The following RAB31 variants were observed in gnomAD, a reference collection of about 807,000 sequenced individuals.
The protein encoded by RAB31 is ras-related protein Rab-31.
A neutral mutation model predicts 25.6 loss-of-function variants in RAB31; 21 were observed. The ratio of observed to expected loss-of-function variants is 0.82; its 90% CI spans 0.58 to 1.18. The LOEUF is 1.18. Ranked by LOEUF, RAB31 falls within the 50% of genes most tolerant of loss-of-function variation. The pLI is 0.00. For synonymous variants in RAB31, 87 were observed against 84.0 expected (o/e 1.04, Z -0.20); for missense variants, 196 against 250.1 (o/e 0.78, Z 1.46).
At chr18:9,754,557 G>A (rs1251356102) in intron 1 of RAB31, among the ~76,000 whole-genome samples, 1 of 152,162 alleles carries the variant, frequency 6.6e-6, no homozygotes, top group Non-Finnish European at 1.5e-5. Flanking sequence ...TGAGATTACA[G>A]GCGTGAGTCA....
intron 3 of RAB31, among the ~76,000 whole-genome samples, chr18:9,794,746 C>T (rs1263879198): frequency 2.0e-5 from 3 of 151,916 alleles, no homozygotes; most frequent in Admixed American, 6.6e-5. Flanking sequence ...ACCCGGGAGG[C>T]GGAGGTTGCA....
chr18:9,732,881 C>T (rs1043472436), intron 1 of RAB31, among the ~76,000 whole-genome samples: 2 of 152,158 alleles, frequency 1.3e-5, no homozygotes, highest in Admixed American at 6.5e-5. Context: ...GCTCATCTTA[C>T]TGAGCATAAT....
chr18:9,783,372 TC>T (rs766460726), intron 2 of RAB31, among the ~76,000 whole-genome samples: 26 of 151,798 alleles, frequency 1.7e-4, no homozygotes, highest in African/African-American at 6.0e-4. Flanking sequence ...GGATTTTGGT[TC>T]CCCCCCCTTA....
At chr18:9,737,348 A>C (rs539378585) in intron 1 of RAB31, among the ~76,000 whole-genome samples, 1 of 152,160 alleles carries the variant, frequency 6.6e-6, no homozygotes, top group African/African-American at 2.4e-5. Context: ...CTGTTTCCTT[A>C]TGTAACATAC....
intron 1 of RAB31, among the ~76,000 whole-genome samples, chr18:9,709,773 G>A (rs1333869570): frequency 1.3e-5 from 2 of 152,178 alleles, no homozygotes; most frequent in Non-Finnish European, 2.9e-5. Flanking sequence ...ATCTAGTCTG[G>A]TCTTTCTCTG....
intron 1 of RAB31, among the ~76,000 whole-genome samples, chr18:9,711,407 C>G (rs1375129604): frequency 2.0e-5 from 3 of 152,202 alleles, no homozygotes; most frequent in Non-Finnish European, 4.4e-5. Context: ...GGGTCTCACT[C>G]TGTCACCCAG....
intron 1 of RAB31, among the ~76,000 whole-genome samples, chr18:9,736,982 A>G (rs1340015181): frequency 6.6e-6 from 1 of 152,240 alleles, no homozygotes; most frequent in Non-Finnish European, 1.5e-5. Flanking sequence ...AATAGCTATT[A>G]AAATTTATTA....
At chr18:9,785,827 G>A (rs1208422453) in intron 2 of RAB31, among the ~76,000 whole-genome samples, 6 of 152,190 alleles carry the variant, frequency 3.9e-5, no homozygotes, top group African/African-American at 1.2e-4. Flanking sequence ...TTGGGAGGCC[G>A]AGGTGGGTGG....
chr18:9,731,192 G>A (rs552086397), intron 1 of RAB31, among the ~76,000 whole-genome samples: 15 of 152,284 alleles, frequency 9.9e-5, no homozygotes, highest in East Asian at 3.9e-4. Flanking sequence ...TGATCGTCCC[G>A]CCTTAGCTTC....
intron 3 of RAB31, among the ~76,000 whole-genome samples, chr18:9,803,986 T>A (rs1039722558): frequency 6.6e-6 from 1 of 152,206 alleles, no homozygotes; most frequent in African/African-American, 2.4e-5. Context: ...GAAGATACCT[T>A]TCGGGAGTTC....
intron 1 of RAB31, among the ~76,000 whole-genome samples, chr18:9,755,371 C>T (rs1322296094): frequency 6.6e-6 from 1 of 152,156 alleles, no homozygotes; most frequent in African/African-American, 2.4e-5. Flanking sequence ...AGTCCAGGTT[C>T]CCATCAGTGC....
In RAB31 at chr18:9,842,107, TG is replaced by T. The variant is rs2068737340; in HGVS notation, c.381-3472del. ...AGATAGTGAGGGCGAGGGGTGGGAGTGGGACAAGGAGCTTCCAGCCTCTCAG... is the reference window on the plus strand; with the variant it reads ...AGATAGTGAGGGCGAGGGGTGGGAGTGGACAAGGAGCTTCCAGCCTCTCAG... On this transcript the variant is annotated intron_variant, in intron 5 of 6. Coordinates refer to ENST00000578921, the MANE Select transcript of RAB31 (RefSeq NM_006868.4). 2.0e-5 allele frequency among the ~76,000 whole-genome samples: 3 copies of T among 151,620 alleles called. No homozygotes were observed. In the South Asian group the frequency reaches 6.3e-4, roughly 32 times the overall value.
intron 2 of RAB31, among the ~76,000 whole-genome samples, chr18:9,791,460 C>T (rs1372180626): frequency 1.6e-5 from 2 of 126,668 alleles, no homozygotes; most frequent in African/African-American, 6.1e-5. Context: ...TGCAGTGGTG[C>T]GATTTTGGCT....
chr18:9,748,064 C>T (rs1184866170), intron 1 of RAB31, among the ~76,000 whole-genome samples: 4 of 152,166 alleles, frequency 2.6e-5, no homozygotes, highest in Non-Finnish European at 2.9e-5. Flanking sequence ...TCCTGAATAC[C>T]ACCTCATCAT....
chr18:9,853,673 T>C (rs1487850272), intron 6 of RAB31, among the ~76,000 whole-genome samples: 2 of 152,230 alleles, frequency 1.3e-5, no homozygotes, highest in African/African-American at 2.4e-5. Flanking sequence ...CTGTGAACTA[T>C]AGACTGACTA....
intron 1 of RAB31, among the ~76,000 whole-genome samples, chr18:9,770,687 G>T (rs534150865): frequency 6.6e-6 from 1 of 152,120 alleles, no homozygotes; most frequent in East Asian, 1.9e-4. Flanking sequence ...AGTCAGAATC[G>T]GGTTTATTCT....
chr18:9,858,818 C>T (rs949940623), intron 6 of RAB31, among the ~76,000 whole-genome samples: 3 of 152,178 alleles, frequency 2.0e-5, no homozygotes, highest in African/African-American at 4.8e-5. Flanking sequence ...TGAGTACTCA[C>T]TGTTACTGTT....
chr18:9,746,033 C>CA (rs1227767226), intron 1 of RAB31, among the ~76,000 whole-genome samples: 2 of 152,080 alleles, frequency 1.3e-5, no homozygotes, highest in African/African-American at 2.4e-5. Flanking sequence ...AAAGAATTCA[C>CA]AAAAAACAAC....
At chr18:9,804,045 T>C (rs905109828) in intron 3 of RAB31, among the ~76,000 whole-genome samples, 2 of 152,230 alleles carry the variant, frequency 1.3e-5, no homozygotes, top group African/African-American at 4.8e-5. Context: ...GAGGTGGCCA[T>C]GCTGGCAGTG....
Sources: gnomAD v4.1 joint callset for allele counts (sites outside exome capture counted in the v4.1 genomes callset) on GRCh38, gnomAD v4.1.1 for gene constraint, MANE v1.5 for transcripts, NCBI Gene and HGNC (gene_info 2026-07-23, HGNC 2026-07-21) for gene names.